RIC1: variants seen among roughly 807,000 people sequenced by gnomAD.
The protein encoded by RIC1 is guanine nucleotide exchange factor subunit RIC1.
Under a neutral mutation model 169.0 loss-of-function variants are expected in RIC1, and 88 were observed. The ratio of observed to expected loss-of-function variants is 0.52; its 90% confidence interval spans 0.44 to 0.62. The LOEUF is 0.62. Ranked by LOEUF, RIC1 falls within the 20% of genes least tolerant of loss-of-function variation. The pLI, the probability that RIC1 is intolerant of heterozygous loss-of-function variation, is 0.00. For synonymous variants in RIC1, 790 were observed against 601.5 expected, an observed-to-expected ratio of 1.31 and a Z score of -4.59; for missense variants, 1,877 against 1,725.5, an observed-to-expected ratio of 1.09 and a Z score of -1.56.
chr9:5,771,670 C>G (rs995762219), intron 23 of RIC1, among the ~76,000 whole-genome samples: 1 of 152,148 alleles, frequency 6.6e-6, no homozygotes, highest in Non-Finnish European at 1.5e-5. Context: ...CCACATCTCA[C>G]CAACACTCAC....
At chr9:5,765,313 G>A in intron 19 of RIC1, 101 bp from the exon 20 acceptor site, 1 of 1,266,270 alleles carries the variant, frequency 7.9e-7, no homozygotes, top group Non-Finnish European at 1.1e-6. Context: ...CTGTGGTGGT[G>A]TGGCTACATT....
At chr9:5,646,081 C>T (rs1586873014) in intron 1 of RIC1, among the ~76,000 whole-genome samples, 1 of 151,612 alleles carries the variant, frequency 6.6e-6, no homozygotes. Context: ...CACATCCTTG[C>T]TAGTACTTGT....
intron 3 of RIC1, among the ~76,000 whole-genome samples, chr9:5,697,393 G>T (rs142009216): frequency 6.6e-5 from 10 of 152,180 alleles, no homozygotes; most frequent in Non-Finnish European, 8.8e-5. Flanking sequence ...AATATGGTTG[G>T]TTGATCTATT....
At chr9:5,715,579 C>T (rs1823184014) in intron 4 of RIC1, among the ~76,000 whole-genome samples, 1 of 152,106 alleles carries the variant, frequency 6.6e-6, no homozygotes, top group Non-Finnish European at 1.5e-5. Flanking sequence ...ATTTTTATAA[C>T]CAATTATTTT....
intron 10 of RIC1, among the ~76,000 whole-genome samples, chr9:5,744,168 G>A (rs987276419): frequency 4.6e-5 from 7 of 151,924 alleles, no homozygotes; most frequent in African/African-American, 1.7e-4. Flanking sequence ...ATTTTGTTTA[G>A]ATGTGGCCAG....
chr9:5,715,640 G>A (rs888189394), intron 4 of RIC1, among the ~76,000 whole-genome samples: 4 of 152,162 alleles, frequency 2.6e-5, no homozygotes, highest in Non-Finnish European at 5.9e-5. Flanking sequence ...TATTGGTTAT[G>A]CTGTTGCTTA....
chr9:5,655,447 C>T (rs1819038054), intron 1 of RIC1, among the ~76,000 whole-genome samples: 1 of 151,958 alleles, frequency 6.6e-6, no homozygotes, highest in Non-Finnish European at 1.5e-5. Flanking sequence ...ATTATAGGCG[C>T]CTGCCACCAC....
intron 6 of RIC1, among the ~76,000 whole-genome samples, chr9:5,721,438 GCA>G (rs1163080399): frequency 2.0e-5 from 3 of 152,144 alleles, no homozygotes; most frequent in East Asian, 1.9e-4. Context: ...CCAAACCCCA[GCA>G]CACACGCGCG....
At chr9:5,698,073 C>G (rs1369554645) in intron 3 of RIC1, among the ~76,000 whole-genome samples, 1 of 152,164 alleles carries the variant, frequency 6.6e-6, no homozygotes, top group African/African-American at 2.4e-5. Context: ...TTCTGTTCCC[C>G]CACACCCCAA....
At chr9:5,637,191 C>CTGGGACT (rs1301878655) in intron 1 of RIC1, among the ~76,000 whole-genome samples, 1 of 152,090 alleles carries the variant, frequency 6.6e-6, no homozygotes, top group Non-Finnish European at 1.5e-5. Context: ...TCCCAAGTAG[C>CTGGGACT]TGGGACTACA....
chr9:5,655,674 T>C (rs1293194528), intron 1 of RIC1, among the ~76,000 whole-genome samples: 1 of 152,214 alleles, frequency 6.6e-6, no homozygotes, highest in Non-Finnish European at 1.5e-5. Context: ...AATCATGTGA[T>C]TTTTCTGTAG....
intron 2 of RIC1, among the ~76,000 whole-genome samples, chr9:5,666,897 C>T (rs1344677003): frequency 6.6e-6 from 1 of 152,158 alleles, no homozygotes; most frequent in Non-Finnish European, 1.5e-5. Context: ...GAATACAACT[C>T]TTTATTGTAT....
chr9:5,724,279 C>G (rs895367294), intron 6 of RIC1, among the ~76,000 whole-genome samples: 1 of 152,118 alleles, frequency 6.6e-6, no homozygotes, highest in African/African-American at 2.4e-5. Context: ...CTTCACATCC[C>G]TTGTAAGTTG....
intron 1 of RIC1, among the ~76,000 whole-genome samples, chr9:5,630,154 G>A (rs1022642247): frequency 2.0e-5 from 3 of 152,182 alleles, no homozygotes; most frequent in African/African-American, 7.2e-5. Context: ...GGCTTGGGAG[G>A]AGCATGGAAC....
At chr9:5,678,724 A>T (rs1820612925) in intron 2 of RIC1, among the ~76,000 whole-genome samples, 1 of 151,894 alleles carries the variant, frequency 6.6e-6, no homozygotes, top group Non-Finnish European at 1.5e-5. Flanking sequence ...GTTTGAGTTC[A>T]TTGTAGATTC....
chr9:5,755,294 A>G (rs1189795162), intron 15 of RIC1, among the ~76,000 whole-genome samples: 3 of 152,212 alleles, frequency 2.0e-5, no homozygotes, highest in Non-Finnish European at 2.9e-5. Flanking sequence ...TGGGGGATAC[A>G]TTCCAAGACC....
intron 2 of RIC1, among the ~76,000 whole-genome samples, chr9:5,658,917 T>C (rs955986191): frequency 1.3e-5 from 2 of 151,118 alleles, no homozygotes; most frequent in Non-Finnish European, 3.0e-5. Flanking sequence ...CTTTGGAAAA[T>C]AGCTTTTGCT....
chr9:5,694,254 A>G (rs2130734534), intron 3 of RIC1, among the ~76,000 whole-genome samples: 1 of 152,378 alleles, frequency 6.6e-6, no homozygotes, highest in African/African-American at 2.4e-5. Context: ...TTTAAAGGTG[A>G]CAAGAGATCT....
intron 1 of RIC1, among the ~76,000 whole-genome samples, chr9:5,633,952 T>C (rs761861799): frequency 2.6e-5 from 4 of 152,200 alleles, no homozygotes; most frequent in Non-Finnish European, 5.9e-5. Flanking sequence ...TTCCTATGAA[T>C]TTGACGTCTT....
Sources: allele counts gnomAD v4.1 joint callset (sites outside exome capture counted in the v4.1 genomes callset), GRCh38; gene constraint gnomAD v4.1.1; transcripts MANE v1.5; gene names NCBI Gene and HGNC (gene_info 2026-07-23, HGNC 2026-07-21).